ZMYM6: variants seen among roughly 807,000 people sequenced by gnomAD.
ZMYM6 encodes zinc finger MYM-type containing 6, also known as zinc finger MYM-type protein 6.
Under a neutral mutation model 134.0 loss-of-function variants are expected in ZMYM6, and 90 were observed. The observed-to-expected ratio is 0.67, with a 90% CI of 0.57 to 0.80. The LOEUF is 0.80. ZMYM6 is among the 30% of genes least tolerant of loss of function. ZMYM6 has a pLI of 0.00. For missense variants in ZMYM6, 1,362 were observed against 1,533.9 expected, an observed-to-expected ratio of 0.89 and a Z score of 1.87; for synonymous variants, 481 against 524.1, an observed-to-expected ratio of 0.92 and a Z score of 1.12.
At chr1:35,020,649 T>C (rs1569789277) in intron 2 of ZMYM6, among the ~76,000 whole-genome samples, 182 bp from the exon 3 acceptor site, 2 of 151,382 alleles carry the variant, frequency 1.3e-5, no homozygotes, top group Non-Finnish European at 2.9e-5. Context: ...CTCAGCTCGT[T>C]GCAACCTCTG....
intron 14 of ZMYM6, among the ~76,000 whole-genome samples, chr1:34,995,687 C>T (rs1329119176): frequency 1.3e-5 from 2 of 152,138 alleles, no homozygotes; most frequent in East Asian, 3.8e-4. Flanking sequence ...CATGAGATTT[C>T]ATCGTGCTAC....
chr1:34,991,900 C>T (rs1640682197), intron 15 of ZMYM6, among the ~76,000 whole-genome samples: 2 of 152,086 alleles, frequency 1.3e-5, no homozygotes, highest in Admixed American at 1.3e-4. Flanking sequence ...AAAGCTCAAA[C>T]AATTTTCATC....
chr1:35,002,116 G>C (rs1640891487), intron 14 of ZMYM6, among the ~76,000 whole-genome samples: 1 of 152,174 alleles, frequency 6.6e-6, no homozygotes, highest in Non-Finnish European at 1.5e-5. Context: ...TTGACTGCTA[G>C]GACCCTCTTC....
At chr1:35,023,362 C>T (rs1308835690) in intron 2 of ZMYM6, among the ~76,000 whole-genome samples, 2 of 152,158 alleles carry the variant, frequency 1.3e-5, no homozygotes, top group East Asian at 1.9e-4. Context: ...CCGCCTTGGC[C>T]TCCCAGAGTG....
At chr1:35,025,557 G>T (rs1407307977) in intron 2 of ZMYM6, among the ~76,000 whole-genome samples, 1 of 149,576 alleles carries the variant, frequency 6.7e-6, no homozygotes, top group Admixed American at 6.7e-5. Context: ...AGGTTTAAAT[G>T]AGAATGCATA....
intron 4 of ZMYM6, chr1:35,017,406 A>G (rs1237204248): frequency 1.3e-5 from 2 of 152,250 alleles, no homozygotes; most frequent in Non-Finnish European, 2.9e-5. Context: ...GTTTCACTTA[A>G]TAAGGTGAAT....
chr1:35,002,106 T>C (rs755668903), intron 14 of ZMYM6, among the ~76,000 whole-genome samples: 1 of 152,218 alleles, frequency 6.6e-6, no homozygotes, highest in Non-Finnish European at 1.5e-5. Flanking sequence ...AAGGCCCGGA[T>C]TGACTGCTAG....
rs1172015597 is a variant in ZMYM6 at position 35,014,906 on chromosome 1, A to G, written c.604-18T>C. 6.2e-7 allele frequency: 1 copy of G among 1,612,112 alleles called. No individual in the cohort carries two copies. Among genetic ancestry groups the G allele is most frequent in the African/African-American group, 1.3e-5 (1 of 74,664 alleles). On this transcript the variant is annotated intron_variant, in intron 5 of 15. Transcript: ENST00000357182. ...AATCGAGTCTAGGAAATAAACACAC[A>G]CATACACACACAAAATAAGCAGAGC... is the stretch of plus-strand genomic sequence containing the variant.
At chr1:35,002,771 T>G (rs1640900769) in intron 14 of ZMYM6, among the ~76,000 whole-genome samples, 1 of 152,160 alleles carries the variant, frequency 6.6e-6, no homozygotes, top group African/African-American at 2.4e-5. Flanking sequence ...TTATTAAATT[T>G]GGGGCACATT....
chr1:34,995,753 T>G (rs769759632), intron 14 of ZMYM6, among the ~76,000 whole-genome samples: 21 of 152,184 alleles, frequency 1.4e-4, no homozygotes, highest in Non-Finnish European at 2.4e-4. Context: ...AATTTTCCAT[T>G]TAATATTTTC....
chr1:35,012,941 G>C (rs550946863), intron 6 of ZMYM6: 3 of 985,134 alleles, frequency 3.0e-6, no homozygotes, highest in East Asian at 1.1e-4. Flanking sequence ...CATCAATCTA[G>C]AAGAGTCTAC....
chr1:34,987,522 A>C lies in ZMYM6; in HGVS notation c.3560T>G (p.Ile1187Ser). ...GLNMTDITRI[I>S]FEHLEGLSQV... is the part of the protein sequence containing the mutation. ...AGAAAGTCCTTCCAGGTGCTCAAAAATAATCCTTGTGATGTCTGTCATATT... is the reference window on the plus strand; with the variant it reads ...AGAAAGTCCTTCCAGGTGCTCAAAACTAATCCTTGTGATGTCTGTCATATT... Residue 1187 changes from isoleucine (I) to serine (S), a missense_variant, in exon 16 of 16, where the codon ATT becomes AGT. By Grantham distance (142) the Ile-to-Ser change is moderately radical. Coordinates refer to ENST00000357182, the MANE Select transcript of ZMYM6 (RefSeq NM_007167.4). 1 of 1,613,434 alleles carries C rather than the reference A, an allele frequency of 6.2e-7. No individual in the cohort carries two copies. The highest frequency in any genetic ancestry group is 8.5e-7 in the Non-Finnish European group (1 of 1,179,728).
At chr1:34,996,284 T>C (rs968867489) in intron 14 of ZMYM6, among the ~76,000 whole-genome samples, 8 of 152,178 alleles carry the variant, frequency 5.3e-5, no homozygotes, top group Non-Finnish European at 1.2e-4. Flanking sequence ...TATTTTACTT[T>C]AGTGTAGTTA....
At position 34,988,674 on chromosome 1, in the gene ZMYM6, A is replaced by G; in HGVS notation, c.2408T>C (p.Phe803Ser). The G allele has an allele frequency of 6.5e-7, 1 of 1,547,522 alleles. No homozygotes were observed. The highest frequency in any genetic ancestry group is 8.7e-7 in the Non-Finnish European group (1 of 1,146,028). Residue 803 changes from phenylalanine to serine, a missense_variant, in exon 16 of 16, where the codon TTT becomes TCT. Transcript: ENST00000357182. Reference protein sequence around the residue: ...HSELENKPVDFFEQKSLEMEC... With the variant: ...HSELENKPVDSFEQKSLEMEC... ...CATTTCTAAAGATTTTTGTTCAAAA[A>G]AATCTACTGGTTTGTTTTCTAATTC...
At chr1:35,017,400 C>T (rs2148457040) in intron 4 of ZMYM6, 1 of 152,268 alleles carries the variant, frequency 6.6e-6, no homozygotes, top group South Asian at 2.1e-4. Flanking sequence ...TAAAGAGTTT[C>T]ACTTAATAAG....
chr1:34,986,883 T>A lies in ZMYM6; in HGVS notation c.*221A>T. On this transcript the variant is annotated 3_prime_UTR_variant, in exon 16 of 16. Transcript: ENST00000357182. ...CATTACCTGCAGTCTTTGTCACTAG[T>A]CCAAATTTAATGAAATAACTAAATT... is the stretch of plus-strand genomic sequence containing the variant. The A allele has an allele frequency of 3.5e-6, 1 of 287,250 alleles. No individual in the cohort carries two copies. The highest frequency in any genetic ancestry group is 5.1e-5 in the Admixed American group (1 of 19,580). The allele number at this position is 287,250 out of a possible 1,614,324, so 17.8% of individuals were successfully genotyped here. A position where few individuals can be genotyped will look rare whatever the true frequency, so the allele number is the denominator to read the frequency against.
chr1:35,007,759 C>T (rs972084662), intron 11 of ZMYM6, among the ~76,000 whole-genome samples: 7 of 151,810 alleles, frequency 4.6e-5, no homozygotes, highest in African/African-American at 9.7e-5. Context: ...GAGCCAACAT[C>T]GCCCACTGAT....
intron 2 of ZMYM6, among the ~76,000 whole-genome samples, chr1:35,027,594 G>A (rs955614604): frequency 6.6e-6 from 1 of 151,934 alleles, no homozygotes; most frequent in East Asian, 1.9e-4. Flanking sequence ...ACAAAAACTA[G>A]CTGGGTGTGG....
Position 35,012,484 on chromosome 1 carries a change from A to G in ZMYM6, c.893T>C (p.Phe298Ser), listed in dbSNP as rs1641104287. The G allele has an allele frequency of 6.2e-7, 1 of 1,612,674 alleles. No homozygotes were observed. The highest frequency in any genetic ancestry group is 2.2e-5 in the East Asian group (1 of 44,814). ...TTNDSGKTEL[F>S]CSINCLSAYR... ...AGCAGATAAGCAATTAATAGAGCAG[A>G]AAAGCTCTGTTTTTCCTGAATCATT... The change falls in exon 7 of 16, where the codon TTC (phenylalanine) becomes TCC (serine). Residue 298 changes from phenylalanine to serine, a missense_variant. This residue lies in a region of ZMYM6 where 503 missense variants were observed against 520.8 expected (regional missense o/e 0.97). Coordinates refer to ENST00000357182, the MANE Select transcript of ZMYM6 (RefSeq NM_007167.4).
Sources: gnomAD v4.1 joint callset for allele counts (sites outside exome capture counted in the v4.1 genomes callset) on GRCh38, gnomAD v4.1.1 for gene constraint, gnomAD v4.1.1 regional missense constraint, MANE v1.5 for transcripts, NCBI Gene and HGNC (gene_info 2026-07-23, HGNC 2026-07-21) for gene names.